Variants in VSNL1 observed in about 807,000 individuals in gnomAD.
VSNL1 encodes the protein visinin-like protein 1.
A neutral mutation model predicts 20.4 loss-of-function variants in VSNL1; 6 were observed. That is an observed-to-expected ratio of 0.29 (90% CI 0.16 to 0.58). VSNL1 has a LOEUF of 0.58. VSNL1 is among the 20% of genes least tolerant of loss of function. The probability of loss-of-function intolerance (pLI) is 0.90; values close to 1 mark genes in which losing one functional copy is unlikely to be tolerated. For synonymous variants in VSNL1, 93 were observed against 86.4 expected (o/e 1.08, Z -0.42); for missense variants, 100 against 234.5 (o/e 0.43, Z 3.75).
At chr2:17,638,829 G>A (rs1022957658) in intron 2 of VSNL1, among the ~76,000 whole-genome samples, 1 of 152,220 alleles carries the variant, frequency 6.6e-6, no homozygotes, top group African/African-American at 2.4e-5. Context: ...TAATCAAGGA[G>A]TTGGGGTTTG....
At chr2:17,587,129 G>A (rs529124961) in intron 1 of VSNL1, among the ~76,000 whole-genome samples, 169 of 152,184 alleles carry the variant, frequency 1.1e-3, no homozygotes, top group Non-Finnish European at 1.9e-3. Context: ...CCACTGCTGT[G>A]TTTATCCTGC....
At chr2:17,576,633 A>G (rs1413262324) in intron 1 of VSNL1, among the ~76,000 whole-genome samples, 2 of 152,216 alleles carry the variant, frequency 1.3e-5, no homozygotes, top group African/African-American at 4.8e-5. Flanking sequence ...TTAATACTTA[A>G]AAGACACGTA....
Position 17,656,960 on chromosome 2 carries a change from GTTT to G in VSNL1, c.*1570_*1572del. The G allele has an allele frequency of 6.6e-6, 1 of 152,186 alleles. No homozygotes were observed. The highest frequency in any genetic ancestry group is 1.9e-4 in the East Asian group (1 of 5,186). The allele number at this position is 152,186 out of a possible 1,614,324, so 9.4% of individuals were successfully genotyped here. Reference sequence around the variant, plus strand: ...ATCAAATTCGTTTTTTACCGAATTCGTTTTTTACCATTCTTTATTTGTCTTAGG... The same window carrying G: ...ATCAAATTCGTTTTTTACCGAATTCGTTTACCATTCTTTATTTGTCTTAGG... On this transcript the variant is annotated 3_prime_UTR_variant, in exon 4 of 4. Transcript: ENST00000295156.
chr2:17,600,702 A>G (rs1199915507), intron 2 of VSNL1, among the ~76,000 whole-genome samples: 1 of 152,228 alleles, frequency 6.6e-6, no homozygotes, highest in African/African-American at 2.4e-5. Flanking sequence ...TAGACATTAC[A>G]TGAAATACAT....
chr2:17,656,858 A>G lies in VSNL1; in HGVS notation c.*1464A>G, dbSNP rs1003777899. On this transcript the variant is annotated 3_prime_UTR_variant, in exon 4 of 4. Coordinates refer to ENST00000295156, the MANE Select transcript of VSNL1 (RefSeq NM_003385.5). ...GGAACTGAATTTTATACTGTAATTA[A>G]GTGTAATTTGCCACATATAGCTAGT... The G allele has an allele frequency of 1.3e-5, 2 of 152,250 alleles. No homozygotes were observed. Among genetic ancestry groups the G allele is most frequent in the Non-Finnish European group, 2.9e-5 (2 of 68,048 alleles). The allele number at this position is 152,250 out of a possible 1,614,324, so 9.4% of individuals were successfully genotyped here.
intron 3 of VSNL1, among the ~76,000 whole-genome samples, chr2:17,650,690 A>C (rs1666105686): frequency 6.6e-6 from 1 of 152,196 alleles, no homozygotes; most frequent in Non-Finnish European, 1.5e-5. Context: ...GGATGATTGC[A>C]AGAAACAGAA....
chr2:17,596,168 T>C (rs1036759926), intron 2 of VSNL1, among the ~76,000 whole-genome samples: 4 of 152,212 alleles, frequency 2.6e-5, no homozygotes, highest in African/African-American at 9.6e-5. Flanking sequence ...CTCTGTGCCC[T>C]CTACATCTGA....
intron 2 of VSNL1, among the ~76,000 whole-genome samples, chr2:17,643,875 G>A (rs1254502579): frequency 6.6e-6 from 1 of 152,194 alleles, no homozygotes; most frequent in East Asian, 1.9e-4. Flanking sequence ...GAGCCAGCAA[G>A]GCCCCAGGGA....
intron 2 of VSNL1, among the ~76,000 whole-genome samples, chr2:17,598,012 A>G (rs1664746896): frequency 6.6e-6 from 1 of 152,238 alleles, no homozygotes. Flanking sequence ...ATATGTACTA[A>G]AACAAAATAA....
chr2:17,560,370 A>G (rs993128271), intron 1 of VSNL1, among the ~76,000 whole-genome samples: 3 of 152,110 alleles, frequency 2.0e-5, no homozygotes, highest in African/African-American at 7.2e-5. Context: ...AGGTGCCAGA[A>G]CACACAAGCA....
At chr2:17,639,299 T>C (rs1665830126) in intron 2 of VSNL1, among the ~76,000 whole-genome samples, 1 of 152,226 alleles carries the variant, frequency 6.6e-6, no homozygotes, top group African/African-American at 2.4e-5. Context: ...GGATGCATCC[T>C]ACACATCCTG....
chr2:17,601,674 C>G (rs891815401), intron 2 of VSNL1, among the ~76,000 whole-genome samples: 1 of 151,210 alleles, frequency 6.6e-6, no homozygotes, highest in Non-Finnish European at 1.5e-5. Flanking sequence ...GTGGCTCATG[C>G]CTGTAATCCC....
chr2:17,639,733 T>A (rs1665840519), intron 2 of VSNL1, among the ~76,000 whole-genome samples: 1 of 152,188 alleles, frequency 6.6e-6, no homozygotes, highest in South Asian at 2.1e-4. Context: ...TGTGTGCACA[T>A]CATGTGTGTG....
intron 2 of VSNL1, among the ~76,000 whole-genome samples, chr2:17,627,672 T>C (rs1453898209): frequency 6.6e-6 from 1 of 152,162 alleles, no homozygotes; most frequent in Non-Finnish European, 1.5e-5. Context: ...GGTGGGGCCA[T>C]CTGTTGTTAG....
intron 2 of VSNL1, among the ~76,000 whole-genome samples, chr2:17,596,480 C>T (rs923385489): frequency 3.9e-5 from 6 of 152,122 alleles, no homozygotes; most frequent in Non-Finnish European, 7.4e-5. Context: ...GAAAATCAAC[C>T]CAGGGGAAGA....
chr2:17,611,128 G>C (rs558447386), intron 2 of VSNL1, among the ~76,000 whole-genome samples: 9 of 152,314 alleles, frequency 5.9e-5, no homozygotes, highest in African/African-American at 2.2e-4. Flanking sequence ...AGCATTCGCT[G>C]TGTACCTGGG....
At chr2:17,564,094 A>G (rs1663879905) in intron 1 of VSNL1, among the ~76,000 whole-genome samples, 1 of 152,206 alleles carries the variant, frequency 6.6e-6, no homozygotes, top group Non-Finnish European at 1.5e-5. Context: ...AAAACAGAAA[A>G]AATGAATTAG....
intron 2 of VSNL1, among the ~76,000 whole-genome samples, chr2:17,598,860 C>T (rs558066389): frequency 6.6e-6 from 1 of 152,352 alleles, no homozygotes; most frequent in East Asian, 1.9e-4. Flanking sequence ...AAACAAACTT[C>T]ACTGGCATAA....
intron 1 of VSNL1, among the ~76,000 whole-genome samples, chr2:17,577,592 T>G (rs1664246277): frequency 6.6e-6 from 1 of 152,192 alleles, no homozygotes; most frequent in Non-Finnish European, 1.5e-5. Flanking sequence ...CTTGAGTCTT[T>G]GTTTCTCCAG....
Sources: allele counts gnomAD v4.1 joint callset (sites outside exome capture counted in the v4.1 genomes callset), GRCh38; gene constraint gnomAD v4.1.1; transcripts MANE v1.5; gene names NCBI Gene and HGNC (gene_info 2026-07-23, HGNC 2026-07-21).